EEF2K: variants seen among roughly 807,000 people sequenced by gnomAD.
EEF2K encodes alternative protein EEF2K.
A neutral mutation model predicts 93.8 loss-of-function variants in EEF2K; 70 were observed. The observed-to-expected ratio is 0.75, with a 90% confidence interval of 0.62 to 0.91. The LOEUF is 0.91. Ranked by LOEUF, EEF2K falls within the 40% of genes least tolerant of loss-of-function variation. EEF2K has a pLI of 0.00. For missense variants in EEF2K, 935 were observed against 972.9 expected (o/e 0.96, Z 0.52); for synonymous variants, 376 against 380.8 (o/e 0.99, Z 0.15).
chr16:22,214,156 C>T (rs2046939070), intron 1 of EEF2K, among the ~76,000 whole-genome samples: 1 of 152,130 alleles, frequency 6.6e-6, no homozygotes, highest in Non-Finnish European at 1.5e-5. Flanking sequence ...AAGTCTATCC[C>T]AGACACCATG....
At chr16:22,255,054 G>A (rs1373911263) in intron 6 of EEF2K, among the ~76,000 whole-genome samples, 1 of 152,124 alleles carries the variant, frequency 6.6e-6, no homozygotes, top group African/African-American at 2.4e-5. Flanking sequence ...CTGGGCAACA[G>A]CCTGGGCAAT....
In EEF2K at chr16:22,244,737, A is replaced by G. The variant is rs2047268570; in HGVS notation, c.347+7A>G. ...AACGTGCTACTCGACACAGGTCAGC[A>G]GCTTGTGTGGGGTCTCGAGGAGTCC... On this transcript the variant is annotated splice_region_variant and intron_variant, in intron 3 of 17. Transcript: ENST00000263026. 2.5e-6 allele frequency: 4 copies of G among 1,613,564 alleles called. No homozygotes were observed. The highest frequency in any genetic ancestry group is 3.4e-6 in the Non-Finnish European group (4 of 1,179,758).
chr16:22,284,303 CAG>C lies in EEF2K; in HGVS notation c.*310_*311del, dbSNP rs1167900053. 3.1e-6 allele frequency: 1 copy of C among 322,168 alleles called. No individual in the cohort carries two copies. The highest frequency in any genetic ancestry group is 7.2e-5 in the East Asian group (1 of 13,906). The allele number at this position is 322,168 out of a possible 1,614,324, so 20.0% of individuals were successfully genotyped here. ...GTTTGTTTGTTTGTTTGTTTTGAGA[CAG>C]AGTCTTGCTCTGTCACCCAGGCTGG... On this transcript the variant is annotated 3_prime_UTR_variant, in exon 18 of 18. Coordinates refer to ENST00000263026, the MANE Select transcript of EEF2K (RefSeq NM_013302.5).
At chr16:22,207,401 C>T (rs939944055) in intron 1 of EEF2K, among the ~76,000 whole-genome samples, 1 of 152,054 alleles carries the variant, frequency 6.6e-6, no homozygotes, top group African/African-American at 2.4e-5. Flanking sequence ...GCTTCTTCAG[C>T]CAGGAAAGCA....
chr16:22,264,248 T>C (rs192520606), intron 12 of EEF2K, among the ~76,000 whole-genome samples: 2 of 128,224 alleles, frequency 1.6e-5, no homozygotes, highest in East Asian at 4.8e-4. Flanking sequence ...GCCAAGGTCA[T>C]GCCGCTGCAC....
intron 2 of EEF2K, among the ~76,000 whole-genome samples, chr16:22,242,675 G>A (rs1295245687): frequency 2.0e-5 from 3 of 151,972 alleles, no homozygotes; most frequent in Non-Finnish European, 4.4e-5. Context: ...GGGGTGGTGG[G>A]CACTGCTGGC....
At chr16:22,225,632 C>T in intron 1 of EEF2K, 22 bp from the exon 2 acceptor site, 2 of 1,534,766 alleles carry the variant, frequency 1.3e-6, no homozygotes, top group Non-Finnish European at 1.8e-6. Context: ...CACCCACTCT[C>T]TGGCCCTTGC....
intron 2 of EEF2K, among the ~76,000 whole-genome samples, chr16:22,239,289 G>A (rs1345100210): frequency 6.6e-6 from 1 of 152,126 alleles, no homozygotes; most frequent in Non-Finnish European, 1.5e-5. Flanking sequence ...AATCTTCACT[G>A]AATGGGGACG....
rs1218678972 is a variant in EEF2K, at chr16:22,206,590, C to T, written c.-166C>T. 3 of 152,298 alleles carry T rather than the reference C, an allele frequency of 2.0e-5. No homozygotes were observed. The highest frequency in any genetic ancestry group is 7.2e-5 in the African/African-American group (3 of 41,440). The allele number at this position is 152,298 out of a possible 1,614,324, so 9.4% of individuals were successfully genotyped here. ...TCTCGGGGGGCCCGCCCGCCCTGCACCCTGGAGCTCCGGGCCGCGAGCCTC... is the reference window on the plus strand; with the variant it reads ...TCTCGGGGGGCCCGCCCGCCCTGCATCCTGGAGCTCCGGGCCGCGAGCCTC... On this transcript the variant is annotated 5_prime_UTR_variant, in exon 1 of 18. Transcript: ENST00000263026.
intron 1 of EEF2K, among the ~76,000 whole-genome samples, chr16:22,210,011 G>C (rs111589060): frequency 2.0e-5 from 3 of 152,260 alleles, no homozygotes; most frequent in African/African-American, 7.2e-5. Flanking sequence ...GCCCAGGCTG[G>C]GCTTGAACTC....
chr16:22,262,921 C>T (rs556530174), intron 11 of EEF2K, among the ~76,000 whole-genome samples, 189 bp from the exon 12 acceptor site: 2 of 152,178 alleles, frequency 1.3e-5, no homozygotes, highest in African/African-American at 2.4e-5. Context: ...AAGTGATCTG[C>T]CTGCCTCGGC....
chr16:22,250,985 TGAAGGA>T (rs2047344195), intron 5 of EEF2K, among the ~76,000 whole-genome samples, 160 bp from the exon 6 acceptor site: 1 of 152,120 alleles, frequency 6.6e-6, no homozygotes, highest in Non-Finnish European at 1.5e-5. Flanking sequence ...CCCAGCTCTT[TGAAGGA>T]TGCAGAGGGG....
rs1203903765 is a variant in EEF2K at position 22,280,695 on chromosome 16, C to T, written c.2068+319C>T. On this transcript the variant is annotated intron_variant, in intron 17 of 17. Coordinates refer to ENST00000263026, the MANE Select transcript of EEF2K (RefSeq NM_013302.5). ...TTTTTTTTTTTTTGAGACGGAGTCT[C>T]GCTCTATAGCCCAGACTGGAGTGCA... is the stretch of plus-strand genomic sequence containing the variant. Among the ~76,000 whole-genome samples, 10 of 138,482 alleles carry T rather than the reference C, an allele frequency of 7.2e-5. No individual in the cohort carries two copies. The South Asian group carries it at 9.0e-4, about 12-fold the overall frequency. The allele number at this position is 138,482 out of a possible 152,430, so 90.8% of individuals were successfully genotyped here.
intron 4 of EEF2K, 45 bp downstream of exon 4, chr16:22,248,860 C>A: frequency 6.3e-7 from 1 of 1,594,968 alleles, no homozygotes; most frequent in Non-Finnish European, 8.6e-7. Context: ...TGAGCAAAGA[C>A]TTTCTGCAGC....
At chr16:22,213,355 G>A (rs771841323) in intron 1 of EEF2K, among the ~76,000 whole-genome samples, 2 of 152,158 alleles carry the variant, frequency 1.3e-5, no homozygotes, top group East Asian at 1.9e-4. Flanking sequence ...ACATTGGGCC[G>A]GACCTTCTTC....
chr16:22,263,017 G>A (rs1166217048), intron 11 of EEF2K, 93 bp from the exon 12 acceptor site: 3 of 1,189,220 alleles, frequency 2.5e-6, no homozygotes, highest in Non-Finnish European at 3.6e-6. Context: ...GGGACAGAGG[G>A]GAGAAAGCTA....
chr16:22,255,148 C>T (rs543303515), intron 6 of EEF2K, among the ~76,000 whole-genome samples: 24 of 152,306 alleles, frequency 1.6e-4, no homozygotes, highest in African/African-American at 5.5e-4. Context: ...GCCTGAGACC[C>T]TCTTTATGCA....
intron 16 of EEF2K, among the ~76,000 whole-genome samples, chr16:22,277,304 C>G (rs1211534014): frequency 1.3e-5 from 2 of 152,030 alleles, no homozygotes; most frequent in Non-Finnish European, 2.9e-5. Context: ...ACCCAACTAA[C>G]TTGTATTTTT....
intron 16 of EEF2K, among the ~76,000 whole-genome samples, chr16:22,277,153 T>C (rs1312397648): frequency 3.9e-5 from 6 of 152,188 alleles, no homozygotes; most frequent in Admixed American, 3.3e-4. Context: ...ATTTATTTAT[T>C]TGAGACACAA....
Sources: gnomAD v4.1 joint callset for allele counts (sites outside exome capture counted in the v4.1 genomes callset) on GRCh38, gnomAD v4.1.1 for gene constraint, MANE v1.5 for transcripts, NCBI Gene and HGNC (gene_info 2026-07-23, HGNC 2026-07-21) for gene names.